The following RGS6 variants were observed in gnomAD, a reference collection of about 807,000 sequenced individuals.
RGS6 encodes the protein regulator of G-protein signaling 6.
A neutral mutation model predicts 78.5 loss-of-function variants in RGS6; 30 were observed. The observed-to-expected ratio is 0.38, with a 90% confidence interval of 0.29 to 0.52. The LOEUF (loss-of-function observed/expected upper bound fraction) is 0.52. RGS6 is among the 20% of genes least tolerant of loss of function. The probability of loss-of-function intolerance (pLI) is 0.85; values close to 1 mark genes in which losing one functional copy is unlikely to be tolerated. For synonymous variants in RGS6, 206 were observed against 206.0 expected (o/e 1.00, Z 0.00); for missense variants, 495 against 609.7 (o/e 0.81, Z 1.98).
At chr14:72,233,685 G>T (rs1198199294) in intron 2 of RGS6, among the ~76,000 whole-genome samples, 1 of 152,190 alleles carries the variant, frequency 6.6e-6, no homozygotes, top group Non-Finnish European at 1.5e-5. Context: ...CGTTCACAGT[G>T]AGCAGAGGGA....
chr14:71,941,028 CACTT>C (rs144858472), intron 1 of RGS6, among the ~76,000 whole-genome samples: 19,504 of 152,116 alleles, frequency 0.13, 1,518 homozygotes, highest in East Asian at 0.19. Context: ...ATAAGACTCT[CACTT>C]AGTGTAATCT....
At chr14:72,601,680 T>C in the RGS6 span, among the ~76,000 whole-genome samples, 1 of 152,212 alleles carries the variant, frequency 6.6e-6, no homozygotes, top group Non-Finnish European at 1.5e-5. Flanking sequence ...CATACAGGTA[T>C]CAAAACATCA....
chr14:72,468,743 GC>G, intron 7 of RGS6, among the ~76,000 whole-genome samples: 1 of 152,068 alleles, frequency 6.6e-6, no homozygotes, highest in Non-Finnish European at 1.5e-5. Context: ...TTTAATGGCT[GC>G]CTAGAATTCT....
chr14:71,916,760 G>A, the RGS6 span, among the ~76,000 whole-genome samples: 7 of 152,266 alleles, frequency 4.6e-5, no homozygotes, highest in Admixed American at 2.6e-4. Context: ...GAGCTGGTCC[G>A]TGTCGGGGTC....
chr14:72,158,358 G>A (rs2096802586), intron 2 of RGS6, among the ~76,000 whole-genome samples: 1 of 152,140 alleles, frequency 6.6e-6, no homozygotes. Flanking sequence ...CCTAATGACT[G>A]CATTTTAACT....
intron 2 of RGS6, among the ~76,000 whole-genome samples, chr14:72,252,698 T>G (rs2056102909): frequency 6.6e-6 from 1 of 152,168 alleles, no homozygotes; most frequent in African/African-American, 2.4e-5. Flanking sequence ...CTATGTCTAC[T>G]CAAAGTAGGG....
intron 2 of RGS6, among the ~76,000 whole-genome samples, chr14:72,322,845 G>C (rs1463210860): frequency 6.6e-6 from 1 of 151,992 alleles, no homozygotes; most frequent in Admixed American, 6.5e-5. Context: ...CTCTAATCTT[G>C]ATGAAAAACT....
intron 1 of RGS6, among the ~76,000 whole-genome samples, chr14:71,953,379 A>AG (rs2092513009): frequency 6.6e-6 from 1 of 152,210 alleles, no homozygotes; most frequent in Non-Finnish European, 1.5e-5. Context: ...AAGTGATCAT[A>AG]GACAATAAGT....
chr14:72,017,779 C>G (rs11845993), intron 2 of RGS6, among the ~76,000 whole-genome samples: 87,060 of 151,150 alleles, frequency 0.58, 26,140 homozygotes, highest in South Asian at 0.68. Context: ...TTTTTTTTTT[C>G]TTCAACTTTT....
At chr14:72,521,746 G>A (rs2097045736) in intron 15 of RGS6, among the ~76,000 whole-genome samples, 1 of 152,124 alleles carries the variant, frequency 6.6e-6, no homozygotes, top group South Asian at 2.1e-4. Flanking sequence ...CCTTGGACAA[G>A]TTGCTTAAAT....
In RGS6 at chr14:72,010,755, A is replaced by G. The variant is rs547851033; in HGVS notation, c.84+45880A>G. On this transcript the variant is annotated intron_variant, in intron 2 of 17. Transcript: ENST00000553525. ...CCAAACAGGGCAGTTTCAATCTTCA[A>G]TCAGCCTGATGAAGTTCTCTCTGCT... Among the ~76,000 whole-genome samples, 28 of 152,356 alleles carry G rather than the reference A, an allele frequency of 1.8e-4. 1 individual carries two copies. In the East Asian group the frequency reaches 3.1e-3, roughly 17 times the overall value.
intron 1 of RGS6, among the ~76,000 whole-genome samples, chr14:71,956,719 CA>C (rs1434999685): frequency 2.0e-5 from 3 of 152,198 alleles, no homozygotes; most frequent in African/African-American, 7.2e-5. Context: ...TCTCCTTTGG[CA>C]ACACCCTCAC....
intron 2 of RGS6, among the ~76,000 whole-genome samples, chr14:72,292,615 G>A (rs2063807161): frequency 6.6e-6 from 1 of 152,158 alleles, no homozygotes; most frequent in African/African-American, 2.4e-5. Context: ...AAAACTGCAG[G>A]GTTCTGCAGG....
chr14:72,349,067 T>G (rs1387125507), intron 2 of RGS6, among the ~76,000 whole-genome samples: 1 of 152,130 alleles, frequency 6.6e-6, no homozygotes, highest in Non-Finnish European at 1.5e-5. Context: ...CTCAGGAAGC[T>G]GAGGCAGGAG....
chr14:72,234,377 A>G (rs183718081), intron 2 of RGS6, among the ~76,000 whole-genome samples: 1 of 152,254 alleles, frequency 6.6e-6, no homozygotes, highest in African/African-American at 2.4e-5. Context: ...AGACTGATGT[A>G]TAAAAACAGA....
rs79021880 is a variant in RGS6, at chr14:72,453,014, T to C, written c.185-1514T>C. On this transcript the variant is annotated intron_variant, in intron 3 of 17. Transcript: ENST00000553525. ...CTGAGGGACCCAGGCCTGTTGCACT[T>C]GGAGGGAGGACGTCGCTGGTATGCC... Among the ~76,000 whole-genome samples, 934 of 152,172 alleles carry C rather than the reference T, an allele frequency of 6.1e-3. 10 individuals are homozygous for C. Among genetic ancestry groups the C allele is most frequent in the African/African-American group, 0.021 (890 of 41,526 alleles).
At chr14:72,282,450 A>G (rs1455528723) in intron 2 of RGS6, among the ~76,000 whole-genome samples, 2 of 152,188 alleles carry the variant, frequency 1.3e-5, no homozygotes, top group African/African-American at 4.8e-5. Flanking sequence ...TTCCAAGTCT[A>G]TAGCATCCCA....
intron 2 of RGS6, among the ~76,000 whole-genome samples, chr14:72,098,612 C>T (rs1597515842): frequency 6.6e-6 from 1 of 152,206 alleles, no homozygotes; most frequent in African/African-American, 2.4e-5. Context: ...GAGTTGCCAA[C>T]ATTTATCAGG....
chr14:72,082,878 T>C (rs982653570), intron 2 of RGS6, among the ~76,000 whole-genome samples: 9 of 152,142 alleles, frequency 5.9e-5, no homozygotes, highest in African/African-American at 2.2e-4. Flanking sequence ...GGCTCCAAGT[T>C]ACAAAAAACC....
Sources: allele counts gnomAD v4.1 joint callset (sites outside exome capture counted in the v4.1 genomes callset), GRCh38; gene constraint gnomAD v4.1.1; transcripts MANE v1.5; gene names NCBI Gene and HGNC (gene_info 2026-07-23, HGNC 2026-07-21).